Variants in STAT1 observed in about 807,000 individuals in gnomAD.
STAT1 encodes signal transducer and activator of transcription 1.
A neutral mutation model predicts 111.7 loss-of-function variants in STAT1; 24 were observed. The observed-to-expected ratio is 0.21, with a 90% CI of 0.16 to 0.30. The LOEUF is 0.30. Among genes scored for constraint, STAT1 ranks in the 10% least tolerant of loss-of-function variants. The pLI, the probability that STAT1 is intolerant of heterozygous loss-of-function variation, is 1.00. For synonymous variants in STAT1, 332 were observed against 326.5 expected (o/e 1.02, Z -0.18); for missense variants, 351 against 911.9 (o/e 0.38, Z 7.92).
Position 190,979,937 on chromosome 2 carries a change from A to G in STAT1, c.1633-71T>C. The stretch of plus-strand genomic sequence containing the variant: ...ATGACTTACCATGGCCCCTCCCACC[A>G]TCATTTGCAAAGACTCCCCAGGTGC... On this transcript the variant is annotated intron_variant, in intron 19 of 24. Transcript: ENST00000361099. This position sits in a 1 kb window ranked among gnomAD's most constrained non-coding sequence, Gnocchi z 5.8. 9.5e-7 allele frequency: 1 copy of G among 1,054,906 alleles called. No homozygotes were observed. The highest frequency in any genetic ancestry group is 1.5e-6 in the Non-Finnish European group (1 of 688,148). The allele number at this position is 1,054,906 out of a possible 1,614,324, so 65.3% of individuals were successfully genotyped here.
In STAT1 at chr2:190,990,848, T is replaced by A. The variant is rs1430457349; in HGVS notation, c.1037+380A>T. On this transcript the variant is annotated intron_variant, in intron 11 of 24. Transcript: ENST00000361099. The surrounding 1 kb of genome is among the most constrained non-coding windows in gnomAD (Gnocchi z 5.1). ...ATCCATCAGAAAAATGTACATGTTA[T>A]AAATCCACATTCATACAGCTTCTGG... 6.6e-6 allele frequency among the ~76,000 whole-genome samples: 1 copy of A among 152,210 alleles called. No homozygotes were observed. The highest frequency in any genetic ancestry group is 1.5e-5 in the Non-Finnish European group (1 of 68,036).
Position 191,007,934 on chromosome 2 carries a change from A to G in STAT1, c.274-273T>C, listed in dbSNP as rs973386507. 2 of 508,502 alleles carry G rather than the reference A, an allele frequency of 3.9e-6. No homozygotes were observed. Among genetic ancestry groups the G allele is most frequent in the East Asian group, 9.7e-5 (2 of 20,570 alleles). The allele number at this position is 508,502 out of a possible 1,614,324, so 31.5% of individuals were successfully genotyped here. A position where few individuals can be genotyped will look rare whatever the true frequency, so the allele number is the denominator to read the frequency against. On this transcript the variant is annotated intron_variant, in intron 4 of 24. Transcript: ENST00000361099. The surrounding 1 kb of genome is among the most constrained non-coding windows in gnomAD (Gnocchi z 4.2). ...TGGTTCACATAATATTTTTACTTTA[A>G]TATCTTTCCATATTTCTTAAGGCCA...
At position 191,014,056 on chromosome 2, in the gene STAT1, G is replaced by A. The variant is rs986046425; in HGVS notation, c.-194C>T. The A allele has an allele frequency of 5.7e-6, 1 of 174,152 alleles. No individual in the cohort carries two copies. The highest frequency in any genetic ancestry group is 2.4e-5 in the African/African-American group (1 of 42,394). 10.8% of individuals were successfully genotyped at this position (174,152 alleles called of 1,614,324 possible). A position where few individuals can be genotyped will look rare whatever the true frequency, so the allele number is the denominator to read the frequency against. ...TCCGGAAGGGCTAGGCGGGGGCGCG[G>A]CGGTGCAGCCTCTCCCGAGCGCGCT... On this transcript the variant is annotated 5_prime_UTR_variant, in exon 1 of 25. Coordinates refer to ENST00000361099, the MANE Select transcript of STAT1 (RefSeq NM_007315.4).
rs1450321293 is a variant in STAT1 at position 190,993,285 on chromosome 2, C to A, written c.944+1776G>T. On this transcript the variant is annotated intron_variant, in intron 10 of 24. Transcript: ENST00000361099. This position sits in a 1 kb window ranked among gnomAD's most constrained non-coding sequence, Gnocchi z 4.1. ...TTAATATTATTGAAGGACTCCTGATCTGTCACATCATACACCACTAGGATG... is the reference window on the plus strand; with the variant it reads ...TTAATATTATTGAAGGACTCCTGATATGTCACATCATACACCACTAGGATG... The A allele has an allele frequency of 1.6e-5, 10 of 643,286 alleles. No homozygotes were observed. The highest frequency in any genetic ancestry group is 2.6e-5 in the Non-Finnish European group (9 of 342,144). 39.8% of individuals were successfully genotyped at this position (643,286 alleles called of 1,614,324 possible). A position where few individuals can be genotyped will look rare whatever the true frequency, so the allele number is the denominator to read the frequency against.
Position 191,007,491 on chromosome 2 carries a change from CCCT to C in STAT1, c.372+69_372+71del. On this transcript the variant is annotated intron_variant, in intron 5 of 24. Transcript: ENST00000361099. This position sits in a 1 kb window ranked among gnomAD's most constrained non-coding sequence, Gnocchi z 4.2. ...ATATTCATCATTGCTTTGACATGGG[CCCT>C]AATAGTATTTGATGAATGAATACAT... is the stretch of plus-strand genomic sequence containing the variant. 9.1e-7 allele frequency: 1 copy of C among 1,104,408 alleles called. No homozygotes were observed. The highest frequency in any genetic ancestry group is 1.4e-6 in the Non-Finnish European group (1 of 724,782). The allele number at this position is 1,104,408 out of a possible 1,614,324, so 68.4% of individuals were successfully genotyped here.
In STAT1 at chr2:190,984,996, T is replaced by C. The variant is rs758426431; in HGVS notation, c.1264-603A>G. ...GGCATCTTTGCACTGCCTGGGCCTG[T>C]GTTTGTCCCGCTGCTCCATGTGACC... On this transcript the variant is annotated intron_variant, in intron 15 of 24. Transcript: ENST00000361099. The surrounding 1 kb of genome is among the most constrained non-coding windows in gnomAD (Gnocchi z 5.2). Among the ~76,000 whole-genome samples, 2 of 152,224 alleles carry C rather than the reference T, an allele frequency of 1.3e-5. No homozygotes were observed. Among genetic ancestry groups the C allele is most frequent in the Non-Finnish European group, 2.9e-5 (2 of 68,036 alleles).
Position 191,012,626 on chromosome 2 carries a change from T to C in STAT1, c.-2+899A>G, listed in dbSNP as rs368040383. 2.6e-5 allele frequency among the ~76,000 whole-genome samples: 4 copies of C among 152,276 alleles called. No homozygotes were observed. In the East Asian group the frequency reaches 7.7e-4, roughly 29 times the overall value. ...CATTCTACCTTCCCAGTCCAGCCTCTGCTGCCCACAGATTGGACCACATCA... is the reference window on the plus strand; with the variant it reads ...CATTCTACCTTCCCAGTCCAGCCTCCGCTGCCCACAGATTGGACCACATCA... On this transcript the variant is annotated intron_variant, in intron 2 of 24. Transcript: ENST00000361099. The surrounding 1 kb of genome is among the most constrained non-coding windows in gnomAD (Gnocchi z 4.0).
At position 190,982,359 on chromosome 2, in the gene STAT1, C is replaced by G; in HGVS notation, c.1582+24G>C. 6.2e-7 allele frequency: 1 copy of G among 1,613,430 alleles called. No homozygotes were observed. Among genetic ancestry groups the G allele is most frequent in the South Asian group, 1.1e-5 (1 of 91,012 alleles). On this transcript the variant is annotated intron_variant, in intron 18 of 24. Transcript: ENST00000361099. The surrounding 1 kb of genome is among the most constrained non-coding windows in gnomAD (Gnocchi z 7.3). ...TTTTATGAATTTCAATTTTTATAAA[C>G]ATAACAAGTTAATATGCATATACCA...
chr2:191,011,407 T>C (rs1196684786), intron 2 of STAT1, among the ~76,000 whole-genome samples: 2 of 152,112 alleles, frequency 1.3e-5, no homozygotes, highest in African/African-American at 2.4e-5. Context: ...TACTCCCCTA[T>C]CAACAAGGTG....
rs1692310806 is a variant in STAT1 at position 190,980,650 on chromosome 2, A to G, written c.1602T>C (p.Asp534=). 6.2e-7 allele frequency: 1 copy of G among 1,614,246 alleles called. No individual in the cohort carries two copies. The highest frequency in any genetic ancestry group is 8.5e-7 in the Non-Finnish European group (1 of 1,180,046). ...AAAACCTCGTCCACGGAATGAGACC[A>G]TCGGGGCTGGCGTTAGGACCTAAAC... ...EKLLGPNASP[D]GLIPWTRFCK... is the part of the protein sequence containing the mutation. Residue 534 remains aspartate, a synonymous_variant, in exon 19 of 25, where the codon GAT becomes GAC. Transcript: ENST00000361099. This position sits in a 1 kb window ranked among gnomAD's most constrained non-coding sequence, Gnocchi z 6.1.
At position 190,972,816 on chromosome 2, in the gene STAT1, G is replaced by GGTGTGTGTGT. The variant is rs34975356; in HGVS notation, c.2238+2004_2238+2013dup. On this transcript the variant is annotated intron_variant, in intron 24 of 24. Transcript: ENST00000361099. ...TGGGAGGCTTTAGTGGTGTATAGAGGGTGTGTGTGTGTGTGTGTGTGTGTG... is the reference window on the plus strand; with the variant it reads ...TGGGAGGCTTTAGTGGTGTATAGAGGGTGTGTGTGTGTGTGTGTGTGTGTGTGTGTGTGTG... Among the ~76,000 whole-genome samples the GGTGTGTGTGT allele has an allele frequency of 7.3e-3, 997 of 136,402 alleles. 16 individuals carry two copies. Among genetic ancestry groups the GGTGTGTGTGT allele is most frequent in the South Asian group, 0.015 (59 of 4,064 alleles). The allele number at this position is 136,402 out of a possible 152,430, so 89.5% of individuals were successfully genotyped here. A position where few individuals can be genotyped will look rare whatever the true frequency, so the allele number is the denominator to read the frequency against.
In STAT1 at chr2:191,004,632, T is replaced by C. The variant is rs567950214; in HGVS notation, c.372+2931A>G. Among the ~76,000 whole-genome samples the C allele has an allele frequency of 1.3e-4, 20 of 152,392 alleles. No individual in the cohort carries two copies. Among genetic ancestry groups the C allele is most frequent in the Non-Finnish European group, 1.2e-4 (8 of 68,040 alleles). On this transcript the variant is annotated intron_variant, in intron 5 of 24. Transcript: ENST00000361099. This position sits in a 1 kb window ranked among gnomAD's most constrained non-coding sequence, Gnocchi z 5.0. ...ATTAGCTCTGTGGCTCTGAGTGAAG[T>C]ACCTGACCTCTAAACCTTAGTTTTC...
rs144219644 is a variant in STAT1, at chr2:190,984,067, TA to T, written c.1347+242del. ...AATAAATAAGTCCCAATGCTTAATG[TA>T]AAAAAAAAAAATTAACATCAGCGAT... is the stretch of plus-strand genomic sequence containing the variant. On this transcript the variant is annotated intron_variant, in intron 16 of 24. Transcript: ENST00000361099. The surrounding 1 kb of genome is among the most constrained non-coding windows in gnomAD (Gnocchi z 5.2). Among the ~76,000 whole-genome samples the T allele has an allele frequency of 3.7e-4, 55 of 148,530 alleles. No homozygotes were observed. The highest frequency in any genetic ancestry group is 9.9e-4 in the East Asian group (5 of 5,076).
intron 2 of STAT1, among the ~76,000 whole-genome samples, chr2:191,011,947 C>T (rs1398398664): frequency 1.3e-5 from 2 of 151,716 alleles, no homozygotes; most frequent in African/African-American, 4.8e-5. Context: ...GACAGCCTCT[C>T]GTTATGTTTC....
At position 190,975,968 on chromosome 2, in the gene STAT1, AG is replaced by A; in HGVS notation, c.2060-82del. ...AACATCAACTTTTCGGGGGGATTAA[AG>A]TTCTACTGTGTTTCTAGACAGCTTA... On this transcript the variant is annotated intron_variant, in intron 22 of 24. Transcript: ENST00000361099. The surrounding 1 kb of genome is among the most constrained non-coding windows in gnomAD (Gnocchi z 5.9). 8.0e-7 allele frequency: 1 copy of A among 1,243,680 alleles called. No individual in the cohort carries two copies. Among genetic ancestry groups the A allele is most frequent in the Non-Finnish European group, 1.2e-6 (1 of 853,546 alleles). 77.0% of individuals were successfully genotyped at this position (1,243,680 alleles called of 1,614,324 possible).
Position 190,993,585 on chromosome 2 carries a change from C to T in STAT1, c.944+1476G>A, listed in dbSNP as rs546194935. On this transcript the variant is annotated intron_variant, in intron 10 of 24. Coordinates refer to ENST00000361099, the MANE Select transcript of STAT1 (RefSeq NM_007315.4). The surrounding 1 kb of genome is among the most constrained non-coding windows in gnomAD (Gnocchi z 4.1). ...CTGGACATGTCACTGTAGCTGCCACCGCTGCCACGGCCACCCTTGCTGCTA... is the reference window on the plus strand; with the variant it reads ...CTGGACATGTCACTGTAGCTGCCACTGCTGCCACGGCCACCCTTGCTGCTA... 74 of 600,352 alleles carry T rather than the reference C, an allele frequency of 1.2e-4. No homozygotes were observed. Among genetic ancestry groups the T allele is most frequent in the South Asian group, 1.0e-3 (69 of 66,348 alleles). 37.2% of individuals were successfully genotyped at this position (600,352 alleles called of 1,614,324 possible).
At chr2:190,988,452 C>T (rs1220275003) in intron 12 of STAT1, among the ~76,000 whole-genome samples, 1 of 152,230 alleles carries the variant, frequency 6.6e-6, no homozygotes, top group Non-Finnish European at 1.5e-5. Context: ...GATCTCAGCT[C>T]ACTGCAACCT....
chr2:191,010,507 T>G (rs1185026727), intron 2 of STAT1: 1 of 295,874 alleles, frequency 3.4e-6, no homozygotes, highest in African/African-American at 2.2e-5. Context: ...AAAATGAGTT[T>G]GTGATTTTAT....
chr2:190,982,911 C>T lies in STAT1; in HGVS notation c.1447-393G>A, dbSNP rs1046152942. Among the ~76,000 whole-genome samples the T allele has an allele frequency of 1.3e-5, 2 of 152,130 alleles. No homozygotes were observed. Among genetic ancestry groups the T allele is most frequent in the South Asian group, 2.1e-4 (1 of 4,836 alleles). ...CGTGTCCTTTTTGAAGCCTATTTAG[C>T]GCCATGTTTTTTGCATTTTGTGACT... On this transcript the variant is annotated intron_variant, in intron 17 of 24. Transcript: ENST00000361099. The surrounding 1 kb of genome is among the most constrained non-coding windows in gnomAD (Gnocchi z 7.3).
Sources: gnomAD v4.1 joint callset for allele counts (sites outside exome capture counted in the v4.1 genomes callset) on GRCh38, gnomAD v4.1.1 for gene constraint, Gnocchi (gnomAD v3.1) non-coding constraint, MANE v1.5 for transcripts, NCBI Gene and HGNC (gene_info 2026-07-23, HGNC 2026-07-21) for gene names.